The following GNL3L variants were observed in gnomAD, a reference collection of about 807,000 sequenced individuals.
GNL3L encodes guanine nucleotide-binding protein-like 3-like protein.
GNL3L carries 4 observed loss-of-function variants against 42.9 expected under a neutral mutation model. The ratio of observed to expected loss-of-function variants is 0.09; its 90% CI spans 0.05 to 0.21. The LOEUF is 0.21. GNL3L is among the 10% of genes least tolerant of loss of function. The probability of loss-of-function intolerance (pLI) is 1.00; values close to 1 mark genes in which losing one functional copy is unlikely to be tolerated. For missense variants in GNL3L, 412 were observed against 481.7 expected, an observed-to-expected ratio of 0.86 and a Z score of 1.36; for synonymous variants, 159 against 176.3, an observed-to-expected ratio of 0.90 and a Z score of 0.78.
intron 16 of GNL3L, among the ~76,000 whole-genome samples, chrX:54,619,059 A>G (rs749079834): frequency 8.9e-6 from 1 of 111,848 alleles, no homozygotes; most frequent in African/African-American, 3.2e-5. Context: ...TGGGAGTGTA[A>G]ACTGGCAGAA....
At chrX:54,580,155 C>T (rs1347882703) in intron 16 of GNL3L, among the ~76,000 whole-genome samples, 1 of 66,452 alleles carries the variant, frequency 1.5e-5, no homozygotes, top group East Asian at 6.3e-4. Context: ...CCCCTCCCCC[C>T]ACCCTACAAC....
intron 16 of GNL3L, among the ~76,000 whole-genome samples, chrX:54,597,966 C>T (rs1474051479): frequency 1.8e-5 from 2 of 110,903 alleles, no homozygotes; most frequent in East Asian, 2.8e-4. Flanking sequence ...TTTTTGCTAC[C>T]TTTTCAGTGC....
chrX:54,544,580 C>T (rs1302424806), intron 8 of GNL3L, among the ~76,000 whole-genome samples: 1 of 109,164 alleles, frequency 9.2e-6, no homozygotes, highest in Non-Finnish European at 1.9e-5. Flanking sequence ...AATGATTCTC[C>T]TGCCTCAGCC....
At chrX:54,569,451 G>C (rs1013021236), downstream of GNL3L, among the ~76,000 whole-genome samples, 4 of 111,942 alleles carry the variant, frequency 3.6e-5, no homozygotes, top group Admixed American at 3.8e-4. Flanking sequence ...ATTTCATGTA[G>C]TTTATCAAAT....
At chrX:54,604,112 C>T (rs1462052390) in intron 16 of GNL3L, among the ~76,000 whole-genome samples, 3 of 110,899 alleles carry the variant, frequency 2.7e-5, no homozygotes, top group South Asian at 3.8e-4. Context: ...GCACCCCAGC[C>T]TGGGTGACAG....
chrX:54,587,266 T>G (rs774207856), intron 16 of GNL3L, among the ~76,000 whole-genome samples: 1 of 112,598 alleles, frequency 8.9e-6, no homozygotes, highest in African/African-American at 3.2e-5. Flanking sequence ...GTTAGGTATA[T>G]TTGTTACAAA....
the GNL3L span, among the ~76,000 whole-genome samples, chrX:54,628,412 T>G: frequency 9.0e-6 from 1 of 111,254 alleles, no homozygotes; most frequent in Non-Finnish European, 1.9e-5. Context: ...GATCTACTTT[T>G]AGTTCTTTAG....
the GNL3L span, among the ~76,000 whole-genome samples, chrX:54,630,817 T>C: frequency 9.7e-6 from 1 of 102,648 alleles, no homozygotes; most frequent in Non-Finnish European, 2.0e-5. Context: ...CTCTCTCTCT[T>C]TCTTTTTTGA....
chrX:54,540,727 G>A (rs1381852697), intron 4 of GNL3L, among the ~76,000 whole-genome samples: 1 of 110,540 alleles, frequency 9.0e-6, no homozygotes, highest in Non-Finnish European at 1.9e-5. Flanking sequence ...GTGTGATCTC[G>A]ATTCACTGCA....
At chrX:54,600,499 T>C (rs1925993318) in intron 16 of GNL3L, among the ~76,000 whole-genome samples, 1 of 110,171 alleles carries the variant, frequency 9.1e-6, no homozygotes, top group Admixed American at 9.7e-5. Context: ...GTGCTGGGAT[T>C]ACAGGTGTGA....
In GNL3L at chrX:54,566,166, T is replaced by C. The variant is rs1427796693; in HGVS notation, c.*5564T>C. Among the ~76,000 whole-genome samples the C allele has an allele frequency of 2.7e-5, 3 of 111,503 alleles. No homozygotes were observed. Among genetic ancestry groups the C allele is most frequent in the African/African-American group, 9.8e-5 (3 of 30,644 alleles). On this transcript the variant is annotated 3_prime_UTR_variant, in exon 16 of 16. Coordinates refer to ENST00000360845, the MANE Select transcript of GNL3L (RefSeq NM_001184819.2). ...TGTAAACGGTGTCTTTTTTTCATTA[T>C]GGGAAAGCTTTATTGACACATTTGT...
chrX:54,540,109 T>C (rs374020068), intron 3 of GNL3L, 26 bp from the exon 4 acceptor site: 22 of 1,064,835 alleles, frequency 2.1e-5, no homozygotes, highest in Non-Finnish European at 2.7e-5. Context: ...ATTACCTCTG[T>C]TTTTTTTCTC....
At chrX:54,614,876 C>T (rs770627474) in intron 16 of GNL3L, among the ~76,000 whole-genome samples, 14 of 111,397 alleles carry the variant, frequency 1.3e-4, no homozygotes, top group Admixed American at 3.8e-4. Context: ...AAATTTACAA[C>T]GTGAGCTTCC....
At position 54,558,546 on chromosome X, in the gene GNL3L, A is replaced by G. The variant is rs1308323435; in HGVS notation, c.1557A>G (p.Ser519=). 6.6e-6 allele frequency: 8 copies of G among 1,207,234 alleles called. No individual in the cohort carries two copies. In the African/African-American group the frequency reaches 7.0e-5, roughly 11 times the overall value. Residue 519 remains serine (S), a synonymous_variant, in exon 15 of 16, where the codon TCA becomes TCG. Coordinates refer to ENST00000360845, the MANE Select transcript of GNL3L (RefSeq NM_001184819.2). ...PKSNSMVDVC[S]VDRRSVLQRI... ...GCAACAGTATGGTGGATGTCTGCTC[A>G]GTGGACCGCCGCTCAGTGCTGCAGA... is the stretch of plus-strand genomic sequence containing the variant.
intron 16 of GNL3L, among the ~76,000 whole-genome samples, chrX:54,609,752 C>T (rs1926141046): frequency 8.9e-6 from 1 of 112,023 alleles, no homozygotes; most frequent in Non-Finnish European, 1.9e-5. Flanking sequence ...GTGACTATGG[C>T]CTTATAGTAT....
At chrX:54,618,009 A>C (rs1926240734) in intron 16 of GNL3L, among the ~76,000 whole-genome samples, 1 of 109,984 alleles carries the variant, frequency 9.1e-6, no homozygotes, top group African/African-American at 3.3e-5. Context: ...TTTCCTTCCT[A>C]TTCTCTAAAT....
At chrX:54,554,800 C>T (rs1925040071) in intron 14 of GNL3L, 108 bp downstream of exon 14, 15 of 684,546 alleles carry the variant, frequency 2.2e-5, no homozygotes, top group Admixed American at 1.0e-4. Context: ...GTAGTTCACT[C>T]GCTCCCTATG....
At chrX:54,640,280 A>T in the GNL3L span, among the ~76,000 whole-genome samples, 1 of 110,988 alleles carries the variant, frequency 9.0e-6, no homozygotes, top group Non-Finnish European at 1.9e-5. Flanking sequence ...ACAAGCCAAA[A>T]ACCCCAAACC....
chrX:54,605,478 A>G (rs1926048704), intron 16 of GNL3L, among the ~76,000 whole-genome samples: 1 of 110,874 alleles, frequency 9.0e-6, no homozygotes, highest in Admixed American at 9.6e-5. Context: ...CCCCATCTTC[A>G]CTTAATCTGT....
Sources: gnomAD v4.1 joint callset for allele counts (sites outside exome capture counted in the v4.1 genomes callset) on GRCh38, gnomAD v4.1.1 for gene constraint, MANE v1.5 for transcripts, NCBI Gene and HGNC (gene_info 2026-07-23, HGNC 2026-07-21) for gene names.